The following ADGRL3 variants were observed in gnomAD, a reference collection of about 807,000 sequenced individuals.
ADGRL3 encodes the protein adhesion G protein-coupled receptor L3.
Under a neutral mutation model 153.5 loss-of-function variants are expected in ADGRL3, and 62 were observed. The observed-to-expected ratio is 0.40, with a 90% CI of 0.33 to 0.50. The LOEUF is 0.50. ADGRL3 is among the 20% of genes least tolerant of loss of function. ADGRL3 has a pLI of 0.47. For synonymous variants in ADGRL3, 710 were observed against 672.5 expected, an observed-to-expected ratio of 1.06 and a Z score of -0.86; for missense variants, 1,641 against 1,859.4, an observed-to-expected ratio of 0.88 and a Z score of 2.16.
chr4:61,204,280 A>C (rs958313590), intron 1 of ADGRL3, among the ~76,000 whole-genome samples: 1 of 152,228 alleles, frequency 6.6e-6, no homozygotes, highest in Admixed American at 6.5e-5. Context: ...GCTAATGGCC[A>C]TCACCCTAAT....
intron 21 of ADGRL3, among the ~76,000 whole-genome samples, chr4:61,998,846 G>A (rs1309708746): frequency 6.6e-6 from 1 of 151,936 alleles, no homozygotes; most frequent in Non-Finnish European, 1.5e-5. Flanking sequence ...CAAAGTACTG[G>A]GAGTACAGGC....
intron 21 of ADGRL3, among the ~76,000 whole-genome samples, chr4:62,015,705 G>T (rs1026296728): frequency 1.3e-5 from 2 of 152,042 alleles, no homozygotes; most frequent in African/African-American, 4.8e-5. Context: ...TAAAACTTGT[G>T]TGCCTATTTG....
At chr4:61,345,022 T>C (rs1266789508) in intron 1 of ADGRL3, among the ~76,000 whole-genome samples, 1 of 151,638 alleles carries the variant, frequency 6.6e-6, no homozygotes, top group African/African-American at 2.4e-5. Context: ...TGTCTCGAAC[T>C]CCTGACCTCA....
intron 1 of ADGRL3, among the ~76,000 whole-genome samples, chr4:61,312,253 C>T (rs1445143014): frequency 6.6e-6 from 1 of 152,094 alleles, no homozygotes. Flanking sequence ...ACATACCTTA[C>T]ACCTTTTGCA....
At chr4:61,656,823 A>G (rs990104301) in intron 5 of ADGRL3, among the ~76,000 whole-genome samples, 2 of 152,154 alleles carry the variant, frequency 1.3e-5, no homozygotes, top group African/African-American at 4.8e-5. Flanking sequence ...CTAATTGTTC[A>G]TGTCAATTTA....
At chr4:61,588,888 A>T (rs1312216873) in intron 5 of ADGRL3, among the ~76,000 whole-genome samples, 1 of 152,062 alleles carries the variant, frequency 6.6e-6, no homozygotes, top group African/African-American at 2.4e-5. Flanking sequence ...ATTCTGTAGA[A>T]TTCATTTGGA....
chr4:61,898,883 C>T (rs1480226697), intron 11 of ADGRL3, among the ~76,000 whole-genome samples: 2 of 152,120 alleles, frequency 1.3e-5, no homozygotes, highest in African/African-American at 2.4e-5. Context: ...TCCCAAAGTG[C>T]TAGGATTACA....
At chr4:61,441,410 C>G (rs1327782587) in intron 2 of ADGRL3, among the ~76,000 whole-genome samples, 1 of 152,140 alleles carries the variant, frequency 6.6e-6, no homozygotes. Context: ...GTGGATATAT[C>G]CAGAAATTGT....
At chr4:61,880,157 T>A (rs916879907) in intron 9 of ADGRL3, among the ~76,000 whole-genome samples, 1 of 152,186 alleles carries the variant, frequency 6.6e-6, no homozygotes, top group African/African-American at 2.4e-5. Context: ...AATATTTGTC[T>A]TAGAGATAAA....
intron 5 of ADGRL3, among the ~76,000 whole-genome samples, chr4:61,632,001 A>G (rs2093197183): frequency 6.6e-6 from 1 of 152,150 alleles, no homozygotes; most frequent in Non-Finnish European, 1.5e-5. Context: ...TTATGTGCCT[A>G]TATCAATGAG....
intron 5 of ADGRL3, among the ~76,000 whole-genome samples, chr4:61,605,622 A>T (rs969621107): frequency 6.6e-6 from 1 of 152,214 alleles, no homozygotes; most frequent in Admixed American, 6.5e-5. Context: ...ATAGTTCAAG[A>T]TCATTGATTT....
chr4:61,450,333 A>G (rs1046200360), intron 2 of ADGRL3, among the ~76,000 whole-genome samples: 70 of 152,334 alleles, frequency 4.6e-4, no homozygotes, highest in African/African-American at 1.6e-3. Context: ...CTAATTGATT[A>G]TGGTGAAGGT....
chr4:61,273,578 A>T (rs931774560), intron 1 of ADGRL3, among the ~76,000 whole-genome samples: 1 of 147,192 alleles, frequency 6.8e-6, no homozygotes, highest in African/African-American at 2.7e-5. Flanking sequence ...AAAAGAAAAA[A>T]GAAGAAGTAG....
chr4:61,303,120 A>G (rs2094637971), intron 1 of ADGRL3, among the ~76,000 whole-genome samples: 1 of 152,206 alleles, frequency 6.6e-6, no homozygotes, highest in South Asian at 2.1e-4. Context: ...ATTTAGAACC[A>G]TTGTTGATAG....
chr4:61,993,591 T>C (rs1302202770), intron 19 of ADGRL3, among the ~76,000 whole-genome samples: 1 of 151,986 alleles, frequency 6.6e-6, no homozygotes, highest in Non-Finnish European at 1.5e-5. Flanking sequence ...ATGCCCAGCC[T>C]CCTTCATTGT....
intron 5 of ADGRL3, among the ~76,000 whole-genome samples, chr4:61,611,075 T>C (rs999264004): frequency 3.3e-5 from 5 of 152,190 alleles, no homozygotes; most frequent in African/African-American, 4.8e-5. Context: ...AAATTTCGGT[T>C]GCTTAACACA....
At chr4:61,804,959 A>T (rs1016922756) in intron 8 of ADGRL3, among the ~76,000 whole-genome samples, 114 of 145,758 alleles carry the variant, frequency 7.8e-4, no homozygotes, top group African/African-American at 2.6e-3. Flanking sequence ...ATTTTTATTT[A>T]TTTATTTTTT....
chr4:61,304,957 A>G (rs528929755), intron 1 of ADGRL3, among the ~76,000 whole-genome samples: 58 of 152,328 alleles, frequency 3.8e-4, no homozygotes, highest in African/African-American at 1.3e-3. Context: ...GAATATTCCT[A>G]TATGTTGTCT....
chr4:61,583,166 C>T (rs2098932936), intron 4 of ADGRL3, among the ~76,000 whole-genome samples: 2 of 151,768 alleles, frequency 1.3e-5, no homozygotes, highest in Non-Finnish European at 1.5e-5. Flanking sequence ...AGTAATATTC[C>T]CTTCTATGAA....
Sources: allele counts gnomAD v4.1 joint callset (sites outside exome capture counted in the v4.1 genomes callset), GRCh38; gene constraint gnomAD v4.1.1; transcripts MANE v1.5; gene names NCBI Gene and HGNC (gene_info 2026-07-23, HGNC 2026-07-21).